ZNF57: variants seen among roughly 807,000 people sequenced by gnomAD.
ZNF57 encodes zinc finger protein 57.
A neutral mutation model predicts 13.4 loss-of-function variants in ZNF57; 11 were observed. That is an observed-to-expected ratio of 0.82 (90% CI 0.52 to 1.36). The LOEUF (loss-of-function observed/expected upper bound fraction) is 1.36. Ranked by LOEUF, ZNF57 falls within the 40% of genes most tolerant of loss-of-function variation. The pLI is 0.00. For synonymous variants in ZNF57, 224 were observed against 238.5 expected (o/e 0.94, Z 0.56); for missense variants, 696 against 667.5 (o/e 1.04, Z -0.47).
intron 1 of ZNF57, among the ~76,000 whole-genome samples, chr19:2,913,751 G>A (rs62125396): frequency 5.9e-4 from 89 of 151,620 alleles, no homozygotes; most frequent in African/African-American, 2.0e-3. Context: ...AGCAGTTCTC[G>A]TGCCTCACCC....
intron 1 of ZNF57, among the ~76,000 whole-genome samples, chr19:2,909,306 A>G (rs1308765032): frequency 2.2e-5 from 2 of 89,942 alleles, no homozygotes; most frequent in Admixed American, 1.4e-4. Flanking sequence ...TTTGAGACAG[A>G]GTCTCGCTCT....
rs1212426647 is a variant in ZNF57 at position 2,910,457 on chromosome 19, CTTTTTTTTTTT to C, written c.4-5054_4-5044del. 1.9e-3 allele frequency among the ~76,000 whole-genome samples: 16 copies of C among 8,634 alleles called. 8 individuals carry two copies. The allele number at this position is 8,634 out of a possible 152,430, so 5.7% of individuals were successfully genotyped here. A position where few individuals can be genotyped will look rare whatever the true frequency, so the allele number is the denominator to read the frequency against. On this transcript the variant is annotated intron_variant, in intron 1 of 3. Coordinates refer to ENST00000306908, the MANE Select transcript of ZNF57 (RefSeq NM_173480.3). ...GTGCTTGATCTGTTTCTTTTCTTTTCTTTTTTTTTTTTTTTTTTTTTGAGACAGAGTCTCAC... is the reference window on the plus strand; with the variant it reads ...GTGCTTGATCTGTTTCTTTTCTTTTCTTTTTTTTTTGAGACAGAGTCTCAC...
At chr19:2,910,711 C>T (rs1435852427) in intron 1 of ZNF57, among the ~76,000 whole-genome samples, 6 of 115,140 alleles carry the variant, frequency 5.2e-5, no homozygotes, top group African/African-American at 1.8e-4. Context: ...CTGCCCGCCT[C>T]GGCCTCCCGA....
intron 1 of ZNF57, among the ~76,000 whole-genome samples, chr19:2,903,257 G>C (rs2088044091): frequency 6.6e-6 from 1 of 152,002 alleles, no homozygotes; most frequent in Non-Finnish European, 1.5e-5. Flanking sequence ...TGTCTCCCAG[G>C]CTGGAGTACA....
Position 2,916,951 on chromosome 19 carries a change from A to T in ZNF57, c.330A>T (p.Thr110=), listed in dbSNP as rs1486213290. The T allele has an allele frequency of 1.2e-6, 2 of 1,604,534 alleles. No homozygotes were observed. Among genetic ancestry groups the T allele is most frequent in the Non-Finnish European group, 1.7e-6 (2 of 1,175,852 alleles). Reference sequence around the variant, plus strand: ...ATCATATGGTGGACAGATTCTGTACACATAATGAAGGTAATCAATATGGAG... The same window carrying T: ...ATCATATGGTGGACAGATTCTGTACTCATAATGAAGGTAATCAATATGGAG... ...LRNHMVDRFC[T]HNEGNQYGEA... The change falls in exon 4 of 4, where the codon ACA becomes ACT. Residue 110 remains threonine (T), a synonymous_variant. Coordinates refer to ENST00000306908, the MANE Select transcript of ZNF57 (RefSeq NM_173480.3).
intron 1 of ZNF57, among the ~76,000 whole-genome samples, chr19:2,908,823 C>T (rs561582896): frequency 1.9e-4 from 29 of 152,216 alleles, no homozygotes; most frequent in African/African-American, 6.5e-4. Context: ...GCCCCGGAGC[C>T]CCTCCACCAC....
At position 2,917,333 on chromosome 19, in the gene ZNF57, A is replaced by G. The variant is rs200613053; in HGVS notation, c.712A>G (p.Ser238Gly). ...TCGGATGGCGTTTAATGGGTTCGCA[A>G]GCTTCACTAGACATGTGAGAACTCA... ...QCRMAFNGFA[S>G]FTRHVRTHTK... is the part of the protein sequence containing the mutation. Residue 238 changes from serine to glycine, a missense_variant, in exon 4 of 4, where the codon AGC becomes GGC. Ser to Gly is a moderately conservative substitution (Grantham distance 56). This residue lies in a region of ZNF57 where 645 missense variants were observed against 591.5 expected (regional missense o/e 1.09). Transcript: ENST00000306908. The G allele has an allele frequency of 2.6e-4, 416 of 1,614,122 alleles. 1 individual carries two copies. The highest frequency in any genetic ancestry group is 3.4e-4 in the Non-Finnish European group (406 of 1,180,054).
chr19:2,913,525 C>T (rs1367271553), intron 1 of ZNF57, among the ~76,000 whole-genome samples: 1 of 151,952 alleles, frequency 6.6e-6, no homozygotes, highest in East Asian at 1.9e-4. Flanking sequence ...GAAGTATTTC[C>T]CTTTTGATTT....
At position 2,917,782 on chromosome 19, in the gene ZNF57, G is replaced by A. The variant is rs531645223; in HGVS notation, c.1161G>A (p.Thr387=). The A allele has an allele frequency of 2.6e-5, 42 of 1,602,052 alleles. No individual in the cohort carries two copies. In the South Asian group the frequency reaches 2.8e-4, roughly 11 times the overall value. Reference sequence around the variant, plus strand: ...TTAGAGAACATGTGAGAATTCACACGCAAGAGCAGCTCTATAAATGTGAAC... The same window carrying A: ...TTAGAGAACATGTGAGAATTCACACACAAGAGCAGCTCTATAAATGTGAAC... ...STFREHVRIH[T]QEQLYKCEQC... is the part of the protein sequence containing the mutation. Residue 387 remains threonine, a synonymous_variant, in exon 4 of 4, where the codon ACG becomes ACA. Coordinates refer to ENST00000306908, the MANE Select transcript of ZNF57 (RefSeq NM_173480.3).
rs1472143946 is a variant in ZNF57 at position 2,917,820 on chromosome 19, C to G, written c.1199C>G (p.Ala400Gly). ...TATAAATGTGAACAATGTGGGAAGG[C>G]TTTTACCTCTTCCAGATCATTCCGA... is the stretch of plus-strand genomic sequence containing the variant. ...QLYKCEQCGKAFTSSRSFRGH... is the reference protein window; with the variant it reads ...QLYKCEQCGKGFTSSRSFRGH... The change falls in exon 4 of 4, where the codon GCT becomes GGT. Residue 400 changes from alanine to glycine, a missense_variant. Ala to Gly is a moderately conservative substitution (Grantham distance 60). Transcript: ENST00000306908. 7 of 1,604,338 alleles carry G rather than the reference C, an allele frequency of 4.4e-6. No homozygotes were observed. Among genetic ancestry groups the G allele is most frequent in the East Asian group, 4.5e-5 (2 of 44,702 alleles).
chr19:2,913,791 C>A (rs1241470357), intron 1 of ZNF57, among the ~76,000 whole-genome samples: 1 of 152,106 alleles, frequency 6.6e-6, no homozygotes, highest in African/African-American at 2.4e-5. Flanking sequence ...CACGTGTGTG[C>A]CACCATACCC....
chr19:2,917,346 ATG>A lies in ZNF57; in HGVS notation c.728_729del (p.Val243GlufsTer10). 3.7e-6 allele frequency: 6 copies of A among 1,614,180 alleles called. No homozygotes were observed. Among genetic ancestry groups the A allele is most frequent in the Non-Finnish European group, 4.2e-6 (5 of 1,179,996 alleles). On this transcript the variant is annotated frameshift_variant, in exon 4 of 4. Coordinates refer to ENST00000306908, the MANE Select transcript of ZNF57 (RefSeq NM_173480.3). LOFTEE classifies it low-confidence loss of function (END_TRUNC). ...AATGGGTTCGCAAGCTTCACTAGACATGTGAGAACTCACACAAAAGACAGGCC... is the reference window on the plus strand; with the variant it reads ...AATGGGTTCGCAAGCTTCACTAGACATGAGAACTCACACAAAAGACAGGCC...
intron 1 of ZNF57, 43 bp from the exon 2 acceptor site, chr19:2,915,479 C>G (rs1392484578): frequency 6.3e-7 from 1 of 1,598,968 alleles, no homozygotes; most frequent in Admixed American, 1.7e-5. Context: ...CCAGTACTTT[C>G]AGTGTCTCCA....
rs543956933 is a variant in ZNF57, at chr19:2,918,219, A to G, written c.1598A>G (p.Glu533Gly). Residue 533 changes from glutamate to glycine, a missense_variant, in exon 4 of 4, where the codon GAA becomes GGA. Coordinates refer to ENST00000306908, the MANE Select transcript of ZNF57 (RefSeq NM_173480.3). The part of the protein sequence containing the change: ...LRMHTGQKSH[E>G]CQSYSKAFSC... ...ATGCACACAGGACAGAAATCCCACG[A>G]ATGTCAGTCATACTCAAAAGCCTTC... 2 of 1,614,146 alleles carry G rather than the reference A, an allele frequency of 1.2e-6. No homozygotes were observed. The highest frequency in any genetic ancestry group is 1.7e-6 in the Non-Finnish European group (2 of 1,179,992).
chr19:2,916,322 G>A, intron 3 of ZNF57, 73 bp downstream of exon 3: 3 of 1,332,224 alleles, frequency 2.3e-6, no homozygotes, highest in Non-Finnish European at 3.0e-6. Flanking sequence ...CCAAATATAA[G>A]CATTGCTCCA....
At chr19:2,902,006 G>C (rs1363444493) in intron 1 of ZNF57, among the ~76,000 whole-genome samples, 1 of 151,928 alleles carries the variant, frequency 6.6e-6, no homozygotes, top group Admixed American at 6.6e-5. Flanking sequence ...ACAAGGGCGC[G>C]AGCGTGTATT....
chr19:2,906,924 G>A (rs2088080884), intron 1 of ZNF57, among the ~76,000 whole-genome samples: 3 of 152,146 alleles, frequency 2.0e-5, no homozygotes, highest in Admixed American at 1.3e-4. Flanking sequence ...GGCCACATGG[G>A]AGGACAGTGT....
intron 1 of ZNF57, chr19:2,915,270 C>T (rs2088179967): frequency 8.2e-6 from 3 of 367,890 alleles, no homozygotes; most frequent in South Asian, 4.1e-5. Flanking sequence ...ATTTGCATAG[C>T]ATTTCTCTAG....
Position 2,917,151 on chromosome 19 carries a change from G to T in ZNF57, c.530G>T (p.Cys177Phe). Residue 177 changes from cysteine to phenylalanine, a missense_variant, in exon 4 of 4, where the codon TGC becomes TTC. This residue lies in a region of ZNF57 where 645 missense variants were observed against 591.5 expected (regional missense o/e 1.09). Coordinates refer to ENST00000306908, the MANE Select transcript of ZNF57 (RefSeq NM_173480.3). ...CCAGGTGAGGAATGTAAGCAGGCCTGCATTTGTCCCTCACACCTACACAGT... is the reference window on the plus strand; with the variant it reads ...CCAGGTGAGGAATGTAAGCAGGCCTTCATTTGTCCCTCACACCTACACAGT... ...APPGEECKQA[C>F]ICPSHLHSHG... 1.2e-6 allele frequency: 2 copies of T among 1,614,142 alleles called. No individual in the cohort carries two copies. Among genetic ancestry groups the T allele is most frequent in the Non-Finnish European group, 1.7e-6 (2 of 1,179,992 alleles).
Sources: allele counts gnomAD v4.1 joint callset (sites outside exome capture counted in the v4.1 genomes callset), GRCh38; gene constraint gnomAD v4.1.1; regional missense constraint gnomAD v4.1.1; transcripts MANE v1.5; gene names NCBI Gene and HGNC (gene_info 2026-07-23, HGNC 2026-07-21).